Variants in RPS6KA2 observed in about 807,000 individuals in gnomAD.
RPS6KA2 encodes ribosomal protein S6 kinase alpha-2.
In RPS6KA2, 42 loss-of-function variants were observed where a neutral mutation model predicts 91.8. That is an observed-to-expected ratio of 0.46 (90% confidence interval 0.36 to 0.59). RPS6KA2 has a LOEUF of 0.59. Among genes scored for constraint, RPS6KA2 ranks in the 20% least tolerant of loss-of-function variants. The pLI is 0.00. For synonymous variants in RPS6KA2, 414 were observed against 393.6 expected (o/e 1.05, Z -0.61); for missense variants, 798 against 978.5 (o/e 0.82, Z 2.46).
At chr6:166,586,725 C>T (rs569142689) in intron 1 of RPS6KA2, among the ~76,000 whole-genome samples, 1 of 152,280 alleles carries the variant, frequency 6.6e-6, no homozygotes, top group East Asian at 1.9e-4. Context: ...ATATATATAC[C>T]AGAGGAGGAA....
chr6:166,777,506 G>A (rs1051399309), intron 2 of RPS6KA2, among the ~76,000 whole-genome samples: 14 of 152,140 alleles, frequency 9.2e-5, no homozygotes, highest in Admixed American at 3.3e-4. Flanking sequence ...TCTGCACGAT[G>A]GGCAGAGGAC....
At chr6:166,668,601 G>A (rs1206702239) in intron 2 of RPS6KA2, among the ~76,000 whole-genome samples, 3 of 152,186 alleles carry the variant, frequency 2.0e-5, no homozygotes, top group East Asian at 1.9e-4. Flanking sequence ...TCCTTAGACC[G>A]AGGGAAGAGG....
intron 10 of RPS6KA2, among the ~76,000 whole-genome samples, chr6:166,481,775 A>C (rs765636210): frequency 2.7e-5 from 4 of 148,912 alleles, no homozygotes; most frequent in Non-Finnish European, 5.9e-5. Flanking sequence ...TGTGCTACAG[A>C]GTGGAGGCCT....
intron 4 of RPS6KA2, among the ~76,000 whole-genome samples, chr6:166,509,122 G>C (rs769491474): frequency 6.6e-6 from 1 of 152,200 alleles, no homozygotes; most frequent in South Asian, 2.1e-4. Flanking sequence ...CATCATAAAT[G>C]TGGGGGTTTT....
At chr6:166,771,260 T>C (rs1778464610) in intron 2 of RPS6KA2, among the ~76,000 whole-genome samples, 1 of 152,204 alleles carries the variant, frequency 6.6e-6, no homozygotes. Flanking sequence ...CACGCATCAG[T>C]GACGAGCAGG....
intron 2 of RPS6KA2, among the ~76,000 whole-genome samples, chr6:166,775,251 GCC>G (rs796092072): frequency 6.7e-6 from 1 of 149,070 alleles, no homozygotes; most frequent in African/African-American, 2.5e-5. Context: ...CTCATTGAAA[GCC>G]CCCCCCACCC....
chr6:166,756,061 C>T (rs1236258104), intron 2 of RPS6KA2, among the ~76,000 whole-genome samples: 1 of 151,942 alleles, frequency 6.6e-6, no homozygotes, highest in Non-Finnish European at 1.5e-5. Context: ...GTGGCCGAGG[C>T]GGGTGGATCA....
chr6:166,785,692 A>G (rs1778909948), intron 2 of RPS6KA2, among the ~76,000 whole-genome samples: 1 of 152,246 alleles, frequency 6.6e-6, no homozygotes, highest in Admixed American at 6.5e-5. Flanking sequence ...CAGCATTTGA[A>G]GTCAGACTTA....
chr6:166,858,224 G>A (rs1429721609), exon 2 of RPS6KA2: 20 of 1,547,372 alleles, frequency 1.3e-5, no homozygotes, highest in South Asian at 3.4e-5. Flanking sequence ...CTTCTGTGGT[G>A]GGCTCCACAT....
At chr6:166,600,885 T>A (rs947642312) in intron 1 of RPS6KA2, among the ~76,000 whole-genome samples, 15 of 152,256 alleles carry the variant, frequency 9.9e-5, no homozygotes, top group Non-Finnish European at 2.2e-4. Flanking sequence ...CAGTCATTCT[T>A]ATTATATTAT....
intron 2 of RPS6KA2, among the ~76,000 whole-genome samples, chr6:166,633,110 C>T (rs1169685921): frequency 6.6e-6 from 1 of 152,214 alleles, no homozygotes; most frequent in Non-Finnish European, 1.5e-5. Context: ...GTCCCAGCTA[C>T]TTGGGAGGCT....
chr6:166,691,431 C>A (rs1462661455), intron 2 of RPS6KA2, among the ~76,000 whole-genome samples: 1 of 152,140 alleles, frequency 6.6e-6, no homozygotes, highest in Admixed American at 6.5e-5. Flanking sequence ...TCACTCCCTG[C>A]CCCAGGCGCC....
intron 2 of RPS6KA2, among the ~76,000 whole-genome samples, chr6:166,644,823 T>C (rs766354918): frequency 2.6e-5 from 4 of 152,210 alleles, no homozygotes; most frequent in Non-Finnish European, 5.9e-5. Context: ...GAGGTCATAA[T>C]TGGATTAGGG....
chr6:166,490,341 C>T lies in RPS6KA2; in HGVS notation c.818+330G>A, dbSNP rs1781544938. On this transcript the variant is annotated intron_variant, in intron 9 of 20. Coordinates refer to ENST00000265678, the MANE Select transcript of RPS6KA2 (RefSeq NM_021135.6). The surrounding 1 kb of genome is among the most constrained non-coding windows in gnomAD (Gnocchi z 4.2). Reference sequence around the variant, plus strand: ...GGTCACCAACCATCACGCTTGAAAACCAGCCACTACACATTCTAAGTGACT... The same window carrying T: ...GGTCACCAACCATCACGCTTGAAAATCAGCCACTACACATTCTAAGTGACT... Among the ~76,000 whole-genome samples, 1 of 151,992 alleles carries T rather than the reference C, an allele frequency of 6.6e-6. No individual in the cohort carries two copies. Among genetic ancestry groups the T allele is most frequent in the African/African-American group, 2.4e-5 (1 of 41,314 alleles).
chr6:166,624,898 A>G (rs1786793252), intron 1 of RPS6KA2, among the ~76,000 whole-genome samples: 2 of 151,994 alleles, frequency 1.3e-5, no homozygotes, highest in South Asian at 2.1e-4. Flanking sequence ...CAGTGGCGCA[A>G]TCTCGGCTCA....
rs112132744 is a variant in RPS6KA2 at position 166,488,748 on chromosome 6, G to A, written c.907+85C>T. 170 of 1,052,952 alleles carry A rather than the reference G, an allele frequency of 1.6e-4. No individual in the cohort carries two copies. The African/African-American group carries it at 1.9e-3, about 12-fold the overall frequency. The allele number at this position is 1,052,952 out of a possible 1,614,324, so 65.2% of individuals were successfully genotyped here. On this transcript the variant is annotated intron_variant, in intron 10 of 20. Coordinates refer to ENST00000265678, the MANE Select transcript of RPS6KA2 (RefSeq NM_021135.6). ...CCTTGGTTGGCATTGGGCCGGAGCA[G>A]GAGGGTGGCCCTCCACATCTCCACT... is the stretch of plus-strand genomic sequence containing the variant.
chr6:166,670,727 C>T lies in RPS6KA2; in HGVS notation c.124-131943G>A, dbSNP rs74741612. ...AATTTTGATTCTCATATTTGAAACG[C>T]AACAATTGATAGTTCCTACAGATGA... On this transcript the variant is annotated intron_variant, in intron 2 of 21. Coordinates refer to the RPS6KA2 transcript ENST00000503859. Among the ~76,000 whole-genome samples, 42 of 152,320 alleles carry T rather than the reference C, an allele frequency of 2.8e-4. No individual in the cohort carries two copies. The East Asian group carries it at 8.1e-3, about 29-fold the overall frequency.
At position 166,857,347 on chromosome 6, in the gene RPS6KA2, G is replaced by A. The variant is rs771930357; in HGVS notation, c.123+853C>T. ...CTTAATGGCCAAGTCAATGGCCCACGGCTCCGGCTGCCTCTGAGAGCGTTT... is the reference window on the plus strand; with the variant it reads ...CTTAATGGCCAAGTCAATGGCCCACAGCTCCGGCTGCCTCTGAGAGCGTTT... On this transcript the variant is annotated intron_variant, in intron 2 of 21. Transcript: ENST00000503859. Among the ~76,000 whole-genome samples, 8 of 152,256 alleles carry A rather than the reference G, an allele frequency of 5.3e-5. 1 individual carries two copies. In the East Asian group the frequency reaches 9.6e-4, roughly 18 times the overall value.
chr6:166,669,277 C>T (rs1400340666), intron 2 of RPS6KA2, among the ~76,000 whole-genome samples: 1 of 152,144 alleles, frequency 6.6e-6, no homozygotes, highest in East Asian at 1.9e-4. Context: ...CCCCGGGCTG[C>T]CTGTCTCTCT....
Sources: gnomAD v4.1 joint callset for allele counts (sites outside exome capture counted in the v4.1 genomes callset) on GRCh38, gnomAD v4.1.1 for gene constraint, Gnocchi (gnomAD v3.1) non-coding constraint, MANE v1.5 for transcripts, NCBI Gene and HGNC (gene_info 2026-07-23, HGNC 2026-07-21) for gene names.